Variants in CDH18 observed in about 807,000 individuals in gnomAD.
CDH18 encodes the protein cadherin 18, also known as cadherin-18.
Under a neutral mutation model 67.9 loss-of-function variants are expected in CDH18, and 31 were observed. That is an observed-to-expected ratio of 0.46 (90% CI 0.34 to 0.62). The LOEUF is 0.62. Ranked by LOEUF, CDH18 falls within the 20% of genes least tolerant of loss-of-function variation. CDH18 has a pLI of 0.01. For missense variants in CDH18, 890 were observed against 975.5 expected (o/e 0.91, Z 1.17); for synonymous variants, 362 against 347.2 (o/e 1.04, Z -0.48).
chr5:20,071,857 A>T (rs976430641), intron 2 of CDH18, among the ~76,000 whole-genome samples: 1 of 151,902 alleles, frequency 6.6e-6, no homozygotes, highest in Non-Finnish European at 1.5e-5. Context: ...ACTTCTAAAC[A>T]GCTCAGATCT....
chr5:19,741,439 A>T (rs963834491), intron 4 of CDH18, among the ~76,000 whole-genome samples: 1 of 147,750 alleles, frequency 6.8e-6, no homozygotes, highest in Non-Finnish European at 1.5e-5. Flanking sequence ...ACAATACACA[A>T]TTTTTTTTTT....
At chr5:20,338,919 T>G (rs1006622634) in intron 1 of CDH18, among the ~76,000 whole-genome samples, 9 of 152,252 alleles carry the variant, frequency 5.9e-5, no homozygotes, top group Admixed American at 5.9e-4. Flanking sequence ...CCAGGTACAC[T>G]TAAAACAAGG....
chr5:20,241,124 C>A (rs1340151222), intron 2 of CDH18, among the ~76,000 whole-genome samples: 2 of 152,032 alleles, frequency 1.3e-5, no homozygotes, highest in Non-Finnish European at 2.9e-5. Flanking sequence ...TGGATATGAA[C>A]ACAAATATAA....
chr5:19,814,926 C>G lies in CDH18; in HGVS notation c.228+23833G>C, dbSNP rs142237703. Among the ~76,000 whole-genome samples the G allele has an allele frequency of 8.6e-5, 13 of 151,718 alleles. No individual in the cohort carries two copies. In the East Asian group the frequency reaches 2.3e-3, roughly 27 times the overall value. On this transcript the variant is annotated intron_variant, in intron 3 of 12. Coordinates refer to ENST00000382275, the MANE Select transcript of CDH18 (RefSeq NM_004934.5). ...TGTTTGTATGATAATATAAAGTTCA[C>G]AATGTGAATAAATATATACACTGTG...
At chr5:19,968,417 G>T (rs1437926993) in intron 2 of CDH18, among the ~76,000 whole-genome samples, 1 of 152,096 alleles carries the variant, frequency 6.6e-6, no homozygotes, top group Non-Finnish European at 1.5e-5. Flanking sequence ...AAAGCTGGAG[G>T]CATCACGCTA....
intron 1 of CDH18, among the ~76,000 whole-genome samples, chr5:20,328,369 G>T (rs550004080): frequency 6.6e-6 from 1 of 152,084 alleles, no homozygotes; most frequent in Non-Finnish European, 1.5e-5. Flanking sequence ...ATAACAGCAT[G>T]TCCTGCTGGA....
At chr5:20,523,340 C>A (rs552992055) in intron 1 of CDH18, among the ~76,000 whole-genome samples, 1 of 152,130 alleles carries the variant, frequency 6.6e-6, no homozygotes, top group Non-Finnish European at 1.5e-5. Context: ...AGCATGCTTT[C>A]GGGCATTGCT....
At chr5:19,719,960 G>GAAAGAAA (rs1561140010) in intron 5 of CDH18, among the ~76,000 whole-genome samples, 46 of 100,436 alleles carry the variant, frequency 4.6e-4, no homozygotes, top group African/African-American at 1.9e-3. Context: ...AAAGAAAGAA[G>GAAAGAAA]GAAAGAGTTA....
rs72455204 is a variant in CDH18 at position 20,407,497 on chromosome 5, GA to G, written c.-579-151993del. ...TTTCTAATGCATATACACCAATGAG[GA>G]AAAAAAAAAAAACTCGTAGAAGTTC... is the stretch of plus-strand genomic sequence containing the variant. On this transcript the variant is annotated intron_variant, in intron 1 of 14. Coordinates refer to the CDH18 transcript ENST00000507958. 1.4e-3 allele frequency among the ~76,000 whole-genome samples: 189 copies of G among 137,828 alleles called. 1 individual carries two copies. The highest frequency in any genetic ancestry group is 4.7e-3 in the African/African-American group (173 of 36,978). The allele number at this position is 137,828 out of a possible 152,430, so 90.4% of individuals were successfully genotyped here.
At chr5:20,132,777 T>C (rs1273527365) in intron 2 of CDH18, among the ~76,000 whole-genome samples, 1 of 152,226 alleles carries the variant, frequency 6.6e-6, no homozygotes, top group Non-Finnish European at 1.5e-5. Context: ...GTGATATTAC[T>C]GTTGGCCATT....
intron 1 of CDH18, among the ~76,000 whole-genome samples, chr5:20,315,582 C>A (rs1291651835): frequency 6.6e-6 from 1 of 152,080 alleles, no homozygotes; most frequent in Non-Finnish European, 1.5e-5. Context: ...TCACCTCTTA[C>A]CAATCTCCCT....
intron 1 of CDH18, among the ~76,000 whole-genome samples, chr5:19,985,145 A>G (rs1454809862): frequency 2.0e-5 from 3 of 152,106 alleles, no homozygotes; most frequent in African/African-American, 4.8e-5. Flanking sequence ...AAATGTTAGC[A>G]TATGATAATA....
At chr5:20,084,374 G>A (rs531303362) in intron 2 of CDH18, among the ~76,000 whole-genome samples, 22 of 152,336 alleles carry the variant, frequency 1.4e-4, no homozygotes, top group African/African-American at 4.3e-4. Flanking sequence ...CCACCCCTGT[G>A]GTTTTGCAGG....
At chr5:20,139,121 T>C (rs1477288550) in intron 2 of CDH18, among the ~76,000 whole-genome samples, 1 of 152,050 alleles carries the variant, frequency 6.6e-6, no homozygotes, top group Non-Finnish European at 1.5e-5. Flanking sequence ...AACAGAGATA[T>C]AGACCAATGG....
At position 20,333,528 on chromosome 5, in the gene CDH18, T is replaced by TATAC. The variant is rs1554119394; in HGVS notation, c.-579-78024_-579-78023insGTAT. Among the ~76,000 whole-genome samples, 287 of 136,842 alleles carry TATAC rather than the reference T, an allele frequency of 2.1e-3. 1 individual carries two copies. Among genetic ancestry groups the TATAC allele is most frequent in the African/African-American group, 4.5e-3 (166 of 37,294 alleles). The allele number at this position is 136,842 out of a possible 152,430, so 89.8% of individuals were successfully genotyped here. ...CTCAAAAAAAAAAAAACAATATATATACACACACACACACACACACACATA... is the reference window on the plus strand; with the variant it reads ...CTCAAAAAAAAAAAAACAATATATATATACACACACACACACACACACACACATA... On this transcript the variant is annotated intron_variant, in intron 1 of 14. Transcript: ENST00000507958.
At chr5:20,530,416 T>C (rs1049843771) in intron 1 of CDH18, among the ~76,000 whole-genome samples, 1 of 151,664 alleles carries the variant, frequency 6.6e-6, no homozygotes, top group Non-Finnish European at 1.5e-5. Flanking sequence ...TGAAAAAGAA[T>C]ACAATATAGC....
intron 2 of CDH18, among the ~76,000 whole-genome samples, chr5:20,118,731 C>G (rs1580283528): frequency 6.6e-6 from 1 of 152,112 alleles, no homozygotes; most frequent in South Asian, 2.1e-4. Flanking sequence ...TCGCTGTTCC[C>G]TTTTGCCCAC....
At chr5:19,825,241 C>T (rs926676589) in intron 3 of CDH18, among the ~76,000 whole-genome samples, 1 of 152,124 alleles carries the variant, frequency 6.6e-6, no homozygotes, top group East Asian at 1.9e-4. Context: ...CCACCCTTGC[C>T]TCTTGGAGTC....
At chr5:20,275,425 GT>G (rs1561931451) in intron 1 of CDH18, among the ~76,000 whole-genome samples, 1 of 152,076 alleles carries the variant, frequency 6.6e-6, no homozygotes, top group Non-Finnish European at 1.5e-5. Context: ...CATGCTTCCT[GT>G]TAAGCCTGCT....
Sources: gnomAD v4.1 joint callset for allele counts (sites outside exome capture counted in the v4.1 genomes callset) on GRCh38, gnomAD v4.1.1 for gene constraint, MANE v1.5 for transcripts, NCBI Gene and HGNC (gene_info 2026-07-23, HGNC 2026-07-21) for gene names.